ELAVL2: variants seen among roughly 807,000 people sequenced by gnomAD.
The protein encoded by ELAVL2 is ELAV-like protein 2.
ELAVL2 carries 4 observed loss-of-function variants against 34.6 expected under a neutral mutation model. That is an observed-to-expected ratio of 0.12 (90% CI 0.06 to 0.26). The LOEUF is 0.26. Ranked by LOEUF, ELAVL2 falls within the 10% of genes least tolerant of loss-of-function variation. ELAVL2 has a pLI of 1.00. For synonymous variants in ELAVL2, 193 were observed against 154.8 expected, an observed-to-expected ratio of 1.25 and a Z score of -1.83; for missense variants, 432 against 442.8, an observed-to-expected ratio of 0.98 and a Z score of 0.22.
At chr9:23,790,366 C>A (rs1384713750) in intron 1 of ELAVL2, among the ~76,000 whole-genome samples, 1 of 152,174 alleles carries the variant, frequency 6.6e-6, no homozygotes, top group Non-Finnish European at 1.5e-5. Context: ...CCAATACCCG[C>A]TTTCCCAGTC....
chr9:23,794,725 C>G (rs2060710021), intron 1 of ELAVL2, among the ~76,000 whole-genome samples: 1 of 152,074 alleles, frequency 6.6e-6, no homozygotes. Flanking sequence ...TGTGGGGAAA[C>G]CAGTCTAATC....
At chr9:23,716,792 T>C (rs566901304) in intron 3 of ELAVL2, among the ~76,000 whole-genome samples, 2 of 152,224 alleles carry the variant, frequency 1.3e-5, no homozygotes, top group Non-Finnish European at 2.9e-5. Context: ...GAGGGCCATG[T>C]AGGCAGAGAA....
intron 1 of ELAVL2, among the ~76,000 whole-genome samples, chr9:23,809,117 G>A (rs2062632535): frequency 6.6e-6 from 1 of 152,136 alleles, no homozygotes; most frequent in Admixed American, 6.5e-5. Flanking sequence ...CTAAATTACA[G>A]CTAACCAGTA....
chr9:23,792,861 C>G (rs2060485590), intron 1 of ELAVL2, among the ~76,000 whole-genome samples: 1 of 152,132 alleles, frequency 6.6e-6, no homozygotes, highest in African/African-American at 2.4e-5. Context: ...GCCTCCAACT[C>G]CTAGAATCAT....
intron 2 of ELAVL2, among the ~76,000 whole-genome samples, chr9:23,738,139 C>G (rs975534845): frequency 6.6e-6 from 1 of 152,216 alleles, no homozygotes; most frequent in African/African-American, 2.4e-5. Context: ...CACTGCAACT[C>G]TGGCACCAAA....
chr9:23,720,893 G>T (rs1240529336), intron 3 of ELAVL2, among the ~76,000 whole-genome samples: 1 of 152,140 alleles, frequency 6.6e-6, no homozygotes, highest in South Asian at 2.1e-4. Flanking sequence ...CAGATAATCA[G>T]ATTCAGTAAG....
chr9:23,845,711 G>C, the ELAVL2 span, among the ~76,000 whole-genome samples: 13 of 151,492 alleles, frequency 8.6e-5, no homozygotes, highest in Admixed American at 1.3e-4. Flanking sequence ...TTACAAAATG[G>C]ATGTATCAAT....
At chr9:23,821,963 C>A (rs562433035) in intron 1 of ELAVL2, 2 of 151,598 alleles carry the variant, frequency 1.3e-5, no homozygotes, top group Admixed American at 1.3e-4. Context: ...CCCTTCGGGT[C>A]CGTGCCGGCA....
At chr9:23,699,084 G>T (rs1340147428) in intron 5 of ELAVL2, among the ~76,000 whole-genome samples, 4 of 152,110 alleles carry the variant, frequency 2.6e-5, no homozygotes, top group Non-Finnish European at 5.9e-5. Flanking sequence ...GAAGGAAAAA[G>T]AATTTTCAAG....
chr9:23,797,785 G>A (rs1000160255), intron 1 of ELAVL2, among the ~76,000 whole-genome samples: 11 of 152,158 alleles, frequency 7.2e-5, no homozygotes, highest in Non-Finnish European at 2.9e-5. Context: ...AAAATTAGGT[G>A]GGCGTGGTGG....
upstream of ELAVL2, among the ~76,000 whole-genome samples, chr9:23,827,832 T>G (rs1192335042): frequency 6.6e-6 from 1 of 152,130 alleles, no homozygotes; most frequent in Admixed American, 6.6e-5. Context: ...ACAGACCTGT[T>G]TATCTCCCGT....
intron 1 of ELAVL2, among the ~76,000 whole-genome samples, chr9:23,819,433 A>T (rs1178199352): frequency 6.6e-6 from 1 of 152,206 alleles, no homozygotes; most frequent in Non-Finnish European, 1.5e-5. Context: ...ACTGAGTGTC[A>T]AAAGAGTGGT....
At chr9:23,746,575 C>A (rs781591696) in intron 2 of ELAVL2, among the ~76,000 whole-genome samples, 17 of 152,090 alleles carry the variant, frequency 1.1e-4, no homozygotes, top group Admixed American at 2.6e-4. Flanking sequence ...TCCTTGAGAC[C>A]CTAGGTCCTG....
intron 2 of ELAVL2, among the ~76,000 whole-genome samples, chr9:23,747,578 T>C (rs775179809): frequency 6.6e-5 from 10 of 152,088 alleles, no homozygotes; most frequent in Non-Finnish European, 1.5e-4. Context: ...AGACAAGACC[T>C]TACAGCTCCA....
chr9:23,690,287 C>G lies in ELAVL2; in HGVS notation c.*2270G>C, dbSNP rs2032735042. On this transcript the variant is annotated 3_prime_UTR_variant, in exon 7 of 7. Coordinates refer to ENST00000397312, the MANE Select transcript of ELAVL2 (RefSeq NM_004432.5). The stretch of plus-strand genomic sequence containing the variant: ...CCAGCCTTACATTTTATTAAGTGCT[C>G]TGATAAAACACTGTAAAGTGAAGCA... 6.6e-6 allele frequency: 1 copy of G among 152,552 alleles called. No homozygotes were observed. The highest frequency in any genetic ancestry group is 1.5e-5 in the Non-Finnish European group (1 of 68,014). 9.4% of individuals were successfully genotyped at this position (152,552 alleles called of 1,614,324 possible).
chr9:23,835,783 A>G, the ELAVL2 span, among the ~76,000 whole-genome samples: 1 of 152,156 alleles, frequency 6.6e-6, no homozygotes, highest in Non-Finnish European at 1.5e-5. Flanking sequence ...AGGAAACAAC[A>G]TTTTGCAGTC....
intron 1 of ELAVL2, among the ~76,000 whole-genome samples, chr9:23,825,312 A>G (rs1206882032): frequency 6.6e-6 from 1 of 152,144 alleles, no homozygotes; most frequent in Non-Finnish European, 1.5e-5. Context: ...TCCATCTGGC[A>G]ATCCCATCTC....
At chr9:23,758,060 C>G (rs769218902) in intron 2 of ELAVL2, among the ~76,000 whole-genome samples, 1 of 152,060 alleles carries the variant, frequency 6.6e-6, no homozygotes, top group Non-Finnish European at 1.5e-5. Context: ...ACCCAATTAA[C>G]GCACATGCTC....
chr9:23,772,687 G>T (rs2057521615), intron 1 of ELAVL2, among the ~76,000 whole-genome samples: 1 of 152,064 alleles, frequency 6.6e-6, no homozygotes, highest in Admixed American at 6.6e-5. Context: ...GCAAAACAAG[G>T]AGTCTAAAAA....
Sources: allele counts gnomAD v4.1 joint callset (sites outside exome capture counted in the v4.1 genomes callset), GRCh38; gene constraint gnomAD v4.1.1; transcripts MANE v1.5; gene names NCBI Gene and HGNC (gene_info 2026-07-23, HGNC 2026-07-21).